VSTM4: variants seen among roughly 807,000 people sequenced by gnomAD.
VSTM4 encodes V-set and transmembrane domain-containing protein 4.
VSTM4 carries 20 observed loss-of-function variants against 36.4 expected under a neutral mutation model. The ratio of observed to expected loss-of-function variants is 0.55; its 90% CI spans 0.39 to 0.80. VSTM4 has a LOEUF of 0.80. Among genes scored for constraint, VSTM4 ranks in the 30% least tolerant of loss-of-function variants. The probability of loss-of-function intolerance (pLI) is 0.00; values close to 1 mark genes in which losing one functional copy is unlikely to be tolerated. For missense variants in VSTM4, 392 were observed against 404.5 expected, an observed-to-expected ratio of 0.97 and a Z score of 0.26; for synonymous variants, 182 against 173.9, an observed-to-expected ratio of 1.05 and a Z score of -0.37.
intron 4 of VSTM4, among the ~76,000 whole-genome samples, chr10:49,066,463 G>T (rs1223259749): frequency 6.6e-6 from 1 of 152,134 alleles, no homozygotes; most frequent in Admixed American, 6.5e-5. Context: ...GATAAATCAT[G>T]ATGTGACTTT....
chr10:49,091,672 G>A (rs1487283772), intron 2 of VSTM4, among the ~76,000 whole-genome samples: 2 of 152,096 alleles, frequency 1.3e-5, no homozygotes, highest in Non-Finnish European at 1.5e-5. Flanking sequence ...GGTGCCAAGG[G>A]GCCTCTGGTT....
At chr10:49,106,612 C>A (rs1344481307) in intron 2 of VSTM4, among the ~76,000 whole-genome samples, 4 of 152,230 alleles carry the variant, frequency 2.6e-5, no homozygotes, top group Non-Finnish European at 5.9e-5. Flanking sequence ...ATCAGTTCCA[C>A]TGGGCAACCA....
In VSTM4 at chr10:49,019,641, G is replaced by A. The variant is rs751508857; in HGVS notation, c.*9C>T. 14 of 1,598,150 alleles carry A rather than the reference G, an allele frequency of 8.8e-6. No individual in the cohort carries two copies. The highest frequency in any genetic ancestry group is 1.7e-4 in the Middle Eastern group (1 of 5,930). The stretch of plus-strand genomic sequence containing the variant: ...GGTATTAAATAGAACCTTGGAGGTG[G>A]ACGCTGTACTACAGCTTGTTCTCCT... On this transcript the variant is annotated 3_prime_UTR_variant, in exon 8 of 8. Coordinates refer to ENST00000332853, the MANE Select transcript of VSTM4 (RefSeq NM_001031746.5).
chr10:49,048,588 TAGA>T lies in VSTM4; in HGVS notation c.669-7_669-5del. ...GCTAGTGACAGTCTCCCCTGAGCTG[TAGA>T]AGAAAAAGTTTCCAGTGAAACCAAA... On this transcript the variant is annotated splice_polypyrimidine_tract_variant and splice_region_variant and intron_variant, in intron 5 of 7. Coordinates refer to ENST00000332853, the MANE Select transcript of VSTM4 (RefSeq NM_001031746.5). 6.4e-7 allele frequency: 1 copy of T among 1,570,184 alleles called. No individual in the cohort carries two copies.
intron 6 of VSTM4, among the ~76,000 whole-genome samples, chr10:49,047,487 A>C (rs1014966941): frequency 6.6e-6 from 1 of 152,172 alleles, no homozygotes; most frequent in African/African-American, 2.4e-5. Context: ...GGCCCTTCCC[A>C]CGGTGTCATG....
intron 1 of VSTM4, among the ~76,000 whole-genome samples, chr10:49,114,101 G>A (rs1036257351): frequency 5.3e-5 from 8 of 152,130 alleles, no homozygotes; most frequent in Admixed American, 3.3e-4. Flanking sequence ...ACGAGAACTG[G>A]CCCTGCCCAC....
chr10:49,075,089 G>A (rs1411050851), intron 4 of VSTM4, among the ~76,000 whole-genome samples: 1 of 152,226 alleles, frequency 6.6e-6, no homozygotes, highest in Non-Finnish European at 1.5e-5. Flanking sequence ...CAGGCACTGT[G>A]CACAGGTGCA....
At chr10:49,030,597 G>A (rs1386617635) in intron 7 of VSTM4, among the ~76,000 whole-genome samples, 9 of 152,328 alleles carry the variant, frequency 5.9e-5, no homozygotes, top group South Asian at 2.1e-4. Context: ...ATATGAAGAC[G>A]TGCACTTTGG....
At chr10:49,108,173 T>C (rs529503949) in intron 1 of VSTM4, among the ~76,000 whole-genome samples, 178 bp from the exon 2 acceptor site, 1 of 152,272 alleles carries the variant, frequency 6.6e-6, no homozygotes, top group African/African-American at 2.4e-5. Flanking sequence ...GGGGTGAGCC[T>C]CTGTGGGCCC....
chr10:49,038,423 A>C (rs760869251), intron 7 of VSTM4, among the ~76,000 whole-genome samples: 54 of 152,296 alleles, frequency 3.5e-4, no homozygotes, highest in Non-Finnish European at 7.5e-4. Flanking sequence ...ATTGAGACAG[A>C]AAGTAGAATG....
chr10:49,086,594 A>G (rs1249652532), intron 2 of VSTM4, among the ~76,000 whole-genome samples: 1 of 152,234 alleles, frequency 6.6e-6, no homozygotes, highest in Non-Finnish European at 1.5e-5. Flanking sequence ...ACACTGTGTG[A>G]AACTTTGAAC....
chr10:49,105,077 C>T (rs1274946767), intron 2 of VSTM4, among the ~76,000 whole-genome samples: 1 of 128,032 alleles, frequency 7.8e-6, no homozygotes. Context: ...GAGACAGAGA[C>T]ACAGAGAGAG....
At chr10:49,065,482 C>T (rs1843957442) in intron 4 of VSTM4, among the ~76,000 whole-genome samples, 1 of 152,172 alleles carries the variant, frequency 6.6e-6, no homozygotes, top group South Asian at 2.1e-4. Context: ...GTCAAGAGAA[C>T]ATTAGCCAAT....
chr10:49,102,232 G>T, intron 2 of VSTM4: 1 of 197,582 alleles, frequency 5.1e-6, no homozygotes, highest in Non-Finnish European at 9.1e-6. Context: ...TTGCCTCCTG[G>T]GTTTAAGCAA....
intron 7 of VSTM4, 57 bp downstream of exon 7, chr10:49,046,926 A>G: frequency 1.9e-6 from 3 of 1,545,354 alleles, no homozygotes; most frequent in Non-Finnish European, 2.7e-6. Flanking sequence ...CTGTTTTGGA[A>G]TCTGAGTTGT....
chr10:49,063,505 T>C (rs958296675), intron 5 of VSTM4, among the ~76,000 whole-genome samples: 5 of 152,236 alleles, frequency 3.3e-5, no homozygotes, highest in Admixed American at 6.5e-5. Context: ...CCAGGTCCTA[T>C]ATAAATCTCT....
chr10:49,068,578 A>G (rs1194534961), intron 4 of VSTM4, among the ~76,000 whole-genome samples: 1 of 152,208 alleles, frequency 6.6e-6, no homozygotes, highest in African/African-American at 2.4e-5. Flanking sequence ...TCTGGACATC[A>G]AAGATGAGGT....
rs1843135331 is a variant in VSTM4, at chr10:49,018,577, A to G, written c.*1073T>C. 1 of 152,216 alleles carries G rather than the reference A, an allele frequency of 6.6e-6. No homozygotes were observed. Among genetic ancestry groups the G allele is most frequent in the African/African-American group, 2.4e-5 (1 of 41,444 alleles). 9.4% of individuals were successfully genotyped at this position (152,216 alleles called of 1,614,324 possible). A position where few individuals can be genotyped will look rare whatever the true frequency, so the allele number is the denominator to read the frequency against. On this transcript the variant is annotated 3_prime_UTR_variant, in exon 8 of 8. Transcript: ENST00000332853. ...TGTCCTCAATAACACAGTTGACAGGATGGTGCTTTCAGAATGGATCCCCTG... is the reference window on the plus strand; with the variant it reads ...TGTCCTCAATAACACAGTTGACAGGGTGGTGCTTTCAGAATGGATCCCCTG...
Position 49,014,487 on chromosome 10 carries a change from C to G in VSTM4, c.*5163G>C, listed in dbSNP as rs1175726045. ...ACCCTTCCCCACCACGCTGCGTGTT[C>G]AGGAAGAGTCTTGTCCAAATCCCCA... On this transcript the variant is annotated 3_prime_UTR_variant, in exon 8 of 8. Transcript: ENST00000332853. 6.6e-6 allele frequency: 1 copy of G among 151,530 alleles called. No homozygotes were observed. The highest frequency in any genetic ancestry group is 2.4e-5 in the African/African-American group (1 of 41,268). 9.4% of individuals were successfully genotyped at this position (151,530 alleles called of 1,614,324 possible). A position where few individuals can be genotyped will look rare whatever the true frequency, so the allele number is the denominator to read the frequency against.
Sources: gnomAD v4.1 joint callset for allele counts (sites outside exome capture counted in the v4.1 genomes callset) on GRCh38, gnomAD v4.1.1 for gene constraint, MANE v1.5 for transcripts, NCBI Gene and HGNC (gene_info 2026-07-23, HGNC 2026-07-21) for gene names.